The following ESR1 variants were observed in gnomAD, a reference collection of about 807,000 sequenced individuals.
The protein encoded by ESR1 is estrogen receptor 1, also known as estrogen receptor.
Under a neutral mutation model 52.7 loss-of-function variants are expected in ESR1, and 12 were observed. That is an observed-to-expected ratio of 0.23 (90% confidence interval 0.15 to 0.37). The LOEUF is 0.37. Among genes scored for constraint, ESR1 ranks in the 10% least tolerant of loss-of-function variants. The pLI is 1.00. For synonymous variants in ESR1, 305 were observed against 316.8 expected (o/e 0.96, Z 0.39); for missense variants, 584 against 779.7 (o/e 0.75, Z 2.99).
intron 1 of ESR1, among the ~76,000 whole-genome samples, chr6:151,665,314 A>C (rs1221765256): frequency 6.6e-6 from 1 of 152,218 alleles, no homozygotes; most frequent in African/African-American, 2.4e-5. Context: ...AGCTTCATGC[A>C]GTCCGCAGAT....
intron 2 of ESR1, among the ~76,000 whole-genome samples, chr6:151,728,488 A>G (rs555173023): frequency 6.6e-6 from 1 of 152,350 alleles, no homozygotes; most frequent in East Asian, 1.9e-4. Flanking sequence ...TAATTTTCAA[A>G]CTCATTTATG....
At chr6:152,005,351 C>T (rs919751541) in intron 4 of ESR1, among the ~76,000 whole-genome samples, 1 of 151,800 alleles carries the variant, frequency 6.6e-6, no homozygotes, top group East Asian at 1.9e-4. Context: ...TATTTGAGGT[C>T]CAGGATGCCT....
intron 3 of ESR1, among the ~76,000 whole-genome samples, chr6:151,898,797 C>T (rs867028114): frequency 6.6e-6 from 1 of 152,154 alleles, no homozygotes; most frequent in African/African-American, 2.4e-5. Flanking sequence ...CCACGTCTAC[C>T]TCTTTCTACA....
chr6:151,858,043 T>C (rs1007873632), intron 2 of ESR1, among the ~76,000 whole-genome samples: 6 of 152,198 alleles, frequency 3.9e-5, no homozygotes, highest in Admixed American at 6.5e-5. Context: ...CTTCCCTCAG[T>C]ACAGAAAGAT....
chr6:151,897,235 T>C (rs1315587045), intron 3 of ESR1, among the ~76,000 whole-genome samples: 1 of 152,212 alleles, frequency 6.6e-6, no homozygotes, highest in East Asian at 1.9e-4. Context: ...TGTTTCTTTG[T>C]TGACTTTCTG....
chr6:151,829,674 T>C (rs759434765), intron 1 of ESR1, among the ~76,000 whole-genome samples: 4 of 152,206 alleles, frequency 2.6e-5, no homozygotes, highest in Non-Finnish European at 4.4e-5. Context: ...GATGTTATTG[T>C]TGGTCGGAGG....
intron 4 of ESR1, among the ~76,000 whole-genome samples, chr6:152,011,320 C>T (rs758896995): frequency 1.3e-5 from 2 of 152,114 alleles, no homozygotes; most frequent in Non-Finnish European, 2.9e-5. Context: ...AAATGAGGAA[C>T]AGTCACAGGT....
At chr6:151,879,944 C>G (rs1158526377) in intron 2 of ESR1, among the ~76,000 whole-genome samples, 9 of 152,158 alleles carry the variant, frequency 5.9e-5, no homozygotes, top group Admixed American at 2.0e-4. Flanking sequence ...TTGAAACTCT[C>G]TCTCTGAAAA....
intron 3 of ESR1, among the ~76,000 whole-genome samples, chr6:151,915,294 A>G (rs1264255177): frequency 1.3e-5 from 2 of 152,164 alleles, no homozygotes; most frequent in African/African-American, 4.8e-5. Flanking sequence ...CCAAGAATGC[A>G]TGGAATTCTG....
At chr6:151,764,215 C>A (rs1583179899) in intron 2 of ESR1, among the ~76,000 whole-genome samples, 1 of 152,238 alleles carries the variant, frequency 6.6e-6, no homozygotes, top group East Asian at 1.9e-4. Context: ...TACGGTTGGC[C>A]ACCCTATCTT....
chr6:151,797,285 CTGAT>C (rs1217720192), intron 2 of ESR1, among the ~76,000 whole-genome samples: 3 of 152,196 alleles, frequency 2.0e-5, no homozygotes, highest in African/African-American at 7.2e-5. Flanking sequence ...CATGTCCAGA[CTGAT>C]TGAGCAAGAG....
At position 151,981,539 on chromosome 6, in the gene ESR1, T is replaced by C. The variant is rs976893379; in HGVS notation, c.1097-30117T>C. Reference sequence around the variant, plus strand: ...ATATTATTTTTCTTCTGATGGATGCTGAGTTTTTCTCCTTAAAAAACAAAT... The same window carrying C: ...ATATTATTTTTCTTCTGATGGATGCCGAGTTTTTCTCCTTAAAAAACAAAT... On this transcript the variant is annotated intron_variant, in intron 4 of 7. Coordinates refer to ENST00000206249, the MANE Select transcript of ESR1 (RefSeq NM_000125.4). Among the ~76,000 whole-genome samples, 4 of 152,238 alleles carry C rather than the reference T, an allele frequency of 2.6e-5. No individual in the cohort carries two copies. In the East Asian group the frequency reaches 7.7e-4, roughly 29 times the overall value.
chr6:151,704,064 T>C (rs1233992311), intron 2 of ESR1, among the ~76,000 whole-genome samples: 1 of 152,234 alleles, frequency 6.6e-6, no homozygotes, highest in African/African-American at 2.4e-5. Context: ...TATTTGGCTC[T>C]ATTAATATTA....
chr6:151,933,598 A>T (rs890867445), intron 3 of ESR1, among the ~76,000 whole-genome samples: 3 of 152,100 alleles, frequency 2.0e-5, no homozygotes, highest in Non-Finnish European at 2.9e-5. Context: ...GGTTTGTCAT[A>T]GATAGCTCTT....
At chr6:151,659,891 T>A (rs1777581425) in intron 1 of ESR1, among the ~76,000 whole-genome samples, 1 of 152,206 alleles carries the variant, frequency 6.6e-6, no homozygotes, top group South Asian at 2.1e-4. Flanking sequence ...CAAAAGGAAC[T>A]CTTAGGCATA....
At chr6:151,767,165 C>T (rs975113774) in intron 2 of ESR1, among the ~76,000 whole-genome samples, 3 of 152,196 alleles carry the variant, frequency 2.0e-5, no homozygotes, top group East Asian at 1.9e-4. Context: ...GTACTTGTCT[C>T]TCTTCTTAAC....
At chr6:151,701,525 A>C (rs924268680) in intron 1 of ESR1, among the ~76,000 whole-genome samples, 1 of 107,468 alleles carries the variant, frequency 9.3e-6, no homozygotes, top group African/African-American at 4.0e-5. Context: ...GCGACACTAC[A>C]TCTCAAAAAA....
intron 3 of ESR1, among the ~76,000 whole-genome samples, chr6:151,922,588 A>G (rs1282163400): frequency 1.3e-5 from 2 of 152,130 alleles, no homozygotes; most frequent in South Asian, 2.1e-4. Flanking sequence ...GGCTTCTTAC[A>G]TATCATTGTA....
At chr6:151,710,139 A>G (rs1186416534) in intron 2 of ESR1, among the ~76,000 whole-genome samples, 1 of 151,876 alleles carries the variant, frequency 6.6e-6, no homozygotes, top group East Asian at 1.9e-4. Flanking sequence ...CTAAACCACT[A>G]ATCTATTTAT....
Sources: gnomAD v4.1 joint callset for allele counts (sites outside exome capture counted in the v4.1 genomes callset) on GRCh38, gnomAD v4.1.1 for gene constraint, MANE v1.5 for transcripts, NCBI Gene and HGNC (gene_info 2026-07-23, HGNC 2026-07-21) for gene names.